FHIT: variants seen among roughly 807,000 people sequenced by gnomAD.
FHIT encodes the protein fragile histidine triad diadenosine triphosphatase, also known as bis(5'-adenosyl)-triphosphatase.
A neutral mutation model predicts 17.9 loss-of-function variants in FHIT; 19 were observed. The observed-to-expected ratio is 1.06, with a 90% CI of 0.74 to 1.56. The LOEUF is 1.56. Among genes scored for constraint, FHIT ranks in the 40% most tolerant of loss-of-function variants. The pLI is 0.00. For missense variants in FHIT, 248 were observed against 189.2 expected, an observed-to-expected ratio of 1.31 and a Z score of -1.82; for synonymous variants, 81 against 69.7, an observed-to-expected ratio of 1.16 and a Z score of -0.81.
intron 5 of FHIT, among the ~76,000 whole-genome samples, chr3:60,229,001 C>A (rs1050793713): frequency 3.3e-5 from 5 of 152,136 alleles, no homozygotes; most frequent in Non-Finnish European, 2.9e-5. Flanking sequence ...CAGAATGGAA[C>A]CTCACACTCT....
chr3:60,180,302 T>C (rs898581360), intron 5 of FHIT, among the ~76,000 whole-genome samples: 1 of 152,210 alleles, frequency 6.6e-6, no homozygotes, highest in East Asian at 1.9e-4. Context: ...CTTGTGCTTA[T>C]GCTGAAGTTA....
intron 5 of FHIT, among the ~76,000 whole-genome samples, chr3:60,057,644 AT>A (rs1228367283): frequency 4.6e-5 from 7 of 151,350 alleles, no homozygotes; most frequent in African/African-American, 1.7e-4. Context: ...TGAAGTTTAT[AT>A]TTGTTTTAAC....
intron 4 of FHIT, among the ~76,000 whole-genome samples, chr3:60,683,802 A>AT (rs2040804454): frequency 6.6e-6 from 1 of 152,200 alleles, no homozygotes; most frequent in East Asian, 1.9e-4. Context: ...CATATAACAC[A>AT]TTTTTTCCCA....
intron 3 of FHIT, among the ~76,000 whole-genome samples, chr3:60,863,231 A>G (rs571931162): frequency 4.5e-4 from 69 of 152,308 alleles, no homozygotes; most frequent in Non-Finnish European, 8.7e-4. Flanking sequence ...TAACAGACAT[A>G]AAGAAAATAG....
intron 5 of FHIT, among the ~76,000 whole-genome samples, chr3:60,188,227 T>TA (rs1702249107): frequency 6.7e-6 from 1 of 148,828 alleles, no homozygotes; most frequent in African/African-American, 2.5e-5. Context: ...TTTTTTTTTT[T>TA]ACCATTATTA....
intron 5 of FHIT, among the ~76,000 whole-genome samples, chr3:60,469,478 G>A (rs1025350678): frequency 6.6e-6 from 1 of 152,092 alleles, no homozygotes; most frequent in Non-Finnish European, 1.5e-5. Flanking sequence ...GCATTTTTCA[G>A]CTCCAGAATC....
At chr3:61,017,454 A>G (rs1178505525) in intron 3 of FHIT, among the ~76,000 whole-genome samples, 1 of 152,226 alleles carries the variant, frequency 6.6e-6, no homozygotes, top group Non-Finnish European at 1.5e-5. Context: ...ACATTTAAGA[A>G]CCATGAAGGC....
At chr3:60,294,328 A>G (rs889197938) in intron 5 of FHIT, among the ~76,000 whole-genome samples, 3 of 152,170 alleles carry the variant, frequency 2.0e-5, no homozygotes, top group African/African-American at 7.2e-5. Flanking sequence ...ACATGAAACC[A>G]TCAAAATCTA....
chr3:60,410,023 C>T (rs997502092), intron 5 of FHIT, among the ~76,000 whole-genome samples: 2 of 152,082 alleles, frequency 1.3e-5, no homozygotes, highest in Non-Finnish European at 2.9e-5. Flanking sequence ...TTTAATAATT[C>T]TGGCAAGAAG....
At chr3:59,982,419 T>G (rs537825228) in intron 7 of FHIT, among the ~76,000 whole-genome samples, 2 of 152,180 alleles carry the variant, frequency 1.3e-5, no homozygotes, top group African/African-American at 2.4e-5. Context: ...CCAGAGGAAA[T>G]GGGATGCCAG....
intron 5 of FHIT, among the ~76,000 whole-genome samples, chr3:60,263,314 A>G (rs1348621839): frequency 6.6e-6 from 1 of 152,020 alleles, no homozygotes; most frequent in Admixed American, 6.6e-5. Flanking sequence ...GACTTTAAAT[A>G]TAGCATGTGA....
In FHIT at chr3:60,264,901, A is replaced by T. The variant is rs186585747; in HGVS notation, c.104-250749T>A. Among the ~76,000 whole-genome samples, 159 of 151,926 alleles carry T rather than the reference A, an allele frequency of 1.0e-3. 1 individual carries two copies. Among genetic ancestry groups the T allele is most frequent in the African/African-American group, 3.8e-3 (158 of 41,480 alleles). On this transcript the variant is annotated intron_variant, in intron 5 of 9. Coordinates refer to ENST00000492590, the MANE Select transcript of FHIT (RefSeq NM_002012.4). ...GAGCGTTTTCTAATTGCCCCCCTGA[A>T]ATTTTAATACCACAGATTTTCTTTA...
intron 5 of FHIT, among the ~76,000 whole-genome samples, chr3:60,395,185 A>G (rs1009076433): frequency 6.6e-6 from 1 of 152,162 alleles, no homozygotes; most frequent in Non-Finnish European, 1.5e-5. Context: ...TGCTTTGTGA[A>G]GCTGATAATT....
chr3:59,872,041 T>C (rs547114885), intron 8 of FHIT, among the ~76,000 whole-genome samples: 176 of 152,284 alleles, frequency 1.2e-3, no homozygotes, highest in Admixed American at 1.9e-3. Flanking sequence ...CTCCAGATTA[T>C]ACTAATCAAT....
chr3:60,675,494 T>C (rs529603816), intron 4 of FHIT, among the ~76,000 whole-genome samples: 1 of 152,338 alleles, frequency 6.6e-6, no homozygotes, highest in African/African-American at 2.4e-5. Flanking sequence ...TTTCAAAAGT[T>C]ACGAAGAGTA....
rs552262360 is a variant in FHIT at position 61,020,430 on chromosome 3, G to T, written c.-111+21617C>A. 2.0e-5 allele frequency among the ~76,000 whole-genome samples: 3 copies of T among 152,114 alleles called. No individual in the cohort carries two copies. The South Asian group carries it at 6.2e-4, about 32-fold the overall frequency. ...TTTTTTAAGGTCTTTGTAGATTCTG[G>T]ATCTTAGCACTTTGTCTGATGGATA... On this transcript the variant is annotated intron_variant, in intron 3 of 9. Transcript: ENST00000492590.
intron 4 of FHIT, among the ~76,000 whole-genome samples, chr3:60,544,468 T>G (rs2036295015): frequency 6.6e-6 from 1 of 152,104 alleles, no homozygotes; most frequent in Non-Finnish European, 1.5e-5. Context: ...AAATAATAAT[T>G]CACTATTCTT....
rs566364051 is a variant in FHIT at position 59,894,768 on chromosome 3, T to G, written c.348+27578A>C. Among the ~76,000 whole-genome samples the G allele has an allele frequency of 2.0e-5, 3 of 152,362 alleles. No individual in the cohort carries two copies. The East Asian group carries it at 5.8e-4, about 29-fold the overall frequency. On this transcript the variant is annotated intron_variant, in intron 8 of 9. Coordinates refer to ENST00000492590, the MANE Select transcript of FHIT (RefSeq NM_002012.4). ...CTTGACTTAAAACAATCACTTGGAC[T>G]TCTCCAAACTTCCCAGACTGCTAAT...
intron 5 of FHIT, among the ~76,000 whole-genome samples, chr3:60,495,205 G>A (rs771274580): frequency 1.3e-4 from 20 of 151,594 alleles, no homozygotes; most frequent in Non-Finnish European, 2.5e-4. Context: ...GTTCTGATTT[G>A]CATTTCTTTG....
Sources: gnomAD v4.1 joint callset for allele counts (sites outside exome capture counted in the v4.1 genomes callset) on GRCh38, gnomAD v4.1.1 for gene constraint, MANE v1.5 for transcripts, NCBI Gene and HGNC (gene_info 2026-07-23, HGNC 2026-07-21) for gene names.